Variants in EMC2 observed in about 807,000 individuals in gnomAD.
The protein encoded by EMC2 is ER membrane protein complex subunit 2, also known as TPR repeat protein 35.
Under a neutral mutation model 51.6 loss-of-function variants are expected in EMC2, and 37 were observed. The observed-to-expected ratio is 0.72, with a 90% CI of 0.55 to 0.94. The LOEUF is 0.94. Ranked by LOEUF, EMC2 falls within the 40% of genes least tolerant of loss-of-function variation. The pLI, the probability that EMC2 is intolerant of heterozygous loss-of-function variation, is 0.00. For synonymous variants in EMC2, 131 were observed against 112.4 expected, an observed-to-expected ratio of 1.17 and a Z score of -1.04; for missense variants, 359 against 350.9, an observed-to-expected ratio of 1.02 and a Z score of -0.18.
At chr8:108,475,025 T>C (rs1340762190) in intron 7 of EMC2, 1 of 151,956 alleles carries the variant, frequency 6.6e-6, no homozygotes, top group Non-Finnish European at 1.5e-5. Context: ...TAGATCCCTT[T>C]GTATACTGGT....
At chr8:108,452,850 C>T (rs756516105) in intron 3 of EMC2, among the ~76,000 whole-genome samples, 2 of 152,114 alleles carry the variant, frequency 1.3e-5, no homozygotes, top group African/African-American at 2.4e-5. Context: ...TGGTTAAGAG[C>T]ATGATCAGTT....
At chr8:108,453,739 AATTG>A (rs1819088046) in intron 4 of EMC2, among the ~76,000 whole-genome samples, 1 of 152,054 alleles carries the variant, frequency 6.6e-6, no homozygotes, top group African/African-American at 2.4e-5. Flanking sequence ...ACTTCTAGAT[AATTG>A]ATTGTGCTGT....
intron 5 of EMC2, among the ~76,000 whole-genome samples, chr8:108,465,816 A>AT (rs1170402773): frequency 6.6e-6 from 1 of 152,050 alleles, no homozygotes; most frequent in African/African-American, 2.4e-5. Context: ...GATTTTGTTA[A>AT]TTTTTAAAAA....
intron 10 of EMC2, among the ~76,000 whole-genome samples, chr8:108,480,581 G>A (rs1474751752): frequency 6.6e-6 from 1 of 152,114 alleles, no homozygotes; most frequent in Non-Finnish European, 1.5e-5. Flanking sequence ...TGAATTCTGA[G>A]GTGTTGCTCT....
At position 108,478,737 on chromosome 8, in the gene EMC2, T is replaced by G. The variant is rs563382251; in HGVS notation, c.703-269T>G. Among the ~76,000 whole-genome samples, 11 of 152,048 alleles carry G rather than the reference T, an allele frequency of 7.2e-5. No homozygotes were observed. In the East Asian group the frequency reaches 2.1e-3, roughly 29 times the overall value. On this transcript the variant is annotated intron_variant, in intron 9 of 10. Transcript: ENST00000220853. ...ATTTAAATGATATGGAATTTTACCT[T>G]TAAGAGCTGTTACAGGTACATAATT...
At chr8:108,483,880 CAGTG>C (rs1384209059) in intron 10 of EMC2, among the ~76,000 whole-genome samples, 1 of 152,022 alleles carries the variant, frequency 6.6e-6, no homozygotes. Context: ...TTTGGGATCT[CAGTG>C]AGAATTTCTT....
intron 4 of EMC2, 116 bp from the exon 5 acceptor site, chr8:108,455,757 T>A: frequency 2.2e-6 from 1 of 455,578 alleles, no homozygotes; most frequent in Non-Finnish European, 4.0e-6. Context: ...TTTAAAGCAA[T>A]TATAAATGCA....
At chr8:108,465,373 T>C (rs567250171) in intron 5 of EMC2, among the ~76,000 whole-genome samples, 4 of 152,232 alleles carry the variant, frequency 2.6e-5, no homozygotes, top group Non-Finnish European at 5.9e-5. Flanking sequence ...ACCTTTATGC[T>C]CACTCCAAAG....
At chr8:108,465,602 G>T (rs1014936871) in intron 5 of EMC2, among the ~76,000 whole-genome samples, 1 of 152,110 alleles carries the variant, frequency 6.6e-6, no homozygotes, top group Non-Finnish European at 1.5e-5. Flanking sequence ...TTTTAGTAGC[G>T]TGTTTTTCAC....
chr8:108,484,767 CTTTCTG>C (rs1423175800), intron 10 of EMC2, among the ~76,000 whole-genome samples: 1 of 151,874 alleles, frequency 6.6e-6, no homozygotes, highest in Non-Finnish European at 1.5e-5. Flanking sequence ...AATGAAAAAG[CTTTCTG>C]TTTCTGGTAA....
intron 10 of EMC2, among the ~76,000 whole-genome samples, chr8:108,482,771 A>T (rs1811068541): frequency 6.6e-6 from 1 of 151,902 alleles, no homozygotes; most frequent in Admixed American, 6.6e-5. Context: ...TTTTGTAGAG[A>T]TGAGGTCCAG....
At chr8:108,479,660 G>A (rs1811012144) in intron 10 of EMC2, among the ~76,000 whole-genome samples, 1 of 152,024 alleles carries the variant, frequency 6.6e-6, no homozygotes, top group African/African-American at 2.4e-5. Context: ...ATCTTTTTAT[G>A]TCTTTAGCCT....
intron 9 of EMC2, among the ~76,000 whole-genome samples, chr8:108,477,243 G>A (rs1372187556): frequency 6.6e-6 from 1 of 151,654 alleles, no homozygotes; most frequent in African/African-American, 2.4e-5. Context: ...AGTTGTATGA[G>A]GTATTTTTAA....
rs781193099 is a variant in EMC2 at position 108,449,893 on chromosome 8, A to G, written c.111A>G (p.Gly37=). ...ATAGTGAGCAAATTGTGGAAGTTGG[A>G]GAAGAATTAATTAATGAATATGCTT... ...SRNSEQIVEV[G]EELINEYASK... Residue 37 remains glycine (G), a synonymous_variant, in exon 2 of 11, where the codon GGA becomes GGG. Transcript: ENST00000220853. 6.3e-7 allele frequency: 1 copy of G among 1,595,746 alleles called. No homozygotes were observed. The highest frequency in any genetic ancestry group is 1.1e-5 in the South Asian group (1 of 90,420).
chr8:108,476,368 G>A (rs943844520), intron 8 of EMC2, among the ~76,000 whole-genome samples: 4 of 151,764 alleles, frequency 2.6e-5, no homozygotes, highest in Non-Finnish European at 5.9e-5. Flanking sequence ...ACAACTGAAT[G>A]CTATAAGGCT....
intron 3 of EMC2, 100 bp from the exon 4 acceptor site, chr8:108,452,962 T>C (rs1351851324): frequency 2.9e-5 from 14 of 485,280 alleles, no homozygotes; most frequent in East Asian, 6.8e-5. Context: ...ATGACACTAA[T>C]GAAATTATTC....
chr8:108,446,681 G>A (rs1473320051), intron 1 of EMC2, among the ~76,000 whole-genome samples: 2 of 152,260 alleles, frequency 1.3e-5, no homozygotes, highest in Non-Finnish European at 2.9e-5. Context: ...TTGATTTTCG[G>A]ATGCTGTGAT....
intron 3 of EMC2, among the ~76,000 whole-genome samples, chr8:108,451,965 A>G (rs1372542677): frequency 6.6e-6 from 1 of 152,210 alleles, no homozygotes; most frequent in Non-Finnish European, 1.5e-5. Context: ...TTGAAGCTGT[A>G]TTTCCAATTC....
At chr8:108,448,379 G>C (rs1563690003) in intron 1 of EMC2, among the ~76,000 whole-genome samples, 1 of 152,080 alleles carries the variant, frequency 6.6e-6, no homozygotes, top group African/African-American at 2.4e-5. Flanking sequence ...TTGGCTCTGT[G>C]TCCCCACCCA....
Sources: gnomAD v4.1 joint callset for allele counts (sites outside exome capture counted in the v4.1 genomes callset) on GRCh38, gnomAD v4.1.1 for gene constraint, MANE v1.5 for transcripts, NCBI Gene and HGNC (gene_info 2026-07-23, HGNC 2026-07-21) for gene names.